SYNE1: variants seen among roughly 807,000 people sequenced by gnomAD.
SYNE1 encodes spectrin repeat containing nuclear envelope protein 1, also known as nesprin-1.
SYNE1 carries 616 observed loss-of-function variants against 1,111.0 expected under a neutral mutation model. That is an observed-to-expected ratio of 0.55 (90% CI 0.52 to 0.59). SYNE1 has a LOEUF of 0.59. SYNE1 is among the 20% of genes least tolerant of loss of function. The pLI is 0.00. For missense variants in SYNE1, 10,006 were observed against 10,417.0 expected, an observed-to-expected ratio of 0.96 and a Z score of 1.72; for synonymous variants, 3,855 against 3,825.8, an observed-to-expected ratio of 1.01 and a Z score of -0.28.
chr6:152,199,844 G>A (rs2075034716), intron 127 of SYNE1, among the ~76,000 whole-genome samples: 1 of 151,972 alleles, frequency 6.6e-6, no homozygotes, highest in Non-Finnish European at 1.5e-5. Flanking sequence ...AGAGTAGCAG[G>A]ACTAGACGAA....
chr6:152,552,659 T>C (rs1167491576), intron 3 of SYNE1, among the ~76,000 whole-genome samples: 1 of 151,996 alleles, frequency 6.6e-6, no homozygotes, highest in Non-Finnish European at 1.5e-5. Context: ...AGAAATAAGG[T>C]CAAATCACAG....
intron 2 of SYNE1, among the ~76,000 whole-genome samples, chr6:152,634,269 G>A (rs2099702509): frequency 6.6e-6 from 1 of 152,144 alleles, no homozygotes; most frequent in South Asian, 2.1e-4. Context: ...AATGAACTGA[G>A]AACATAAACA....
intron 3 of SYNE1, among the ~76,000 whole-genome samples, chr6:152,567,660 C>T (rs974296115): frequency 2.0e-5 from 3 of 152,102 alleles, no homozygotes; most frequent in African/African-American, 7.2e-5. Context: ...ATAGCAGTAA[C>T]TTTGCACTTA....
rs1308791159 is a variant in SYNE1 at position 152,511,577 on chromosome 6, T to G, written c.310-474A>C. On this transcript the variant is annotated intron_variant, in intron 6 of 145. Transcript: ENST00000367255. ...TTCTAAAATTTGTACTAACCGGTGA[T>G]CCTCTGTGCATGGACTGACATGAAA... 2.5e-6 allele frequency: 4 copies of G among 1,612,676 alleles called. No homozygotes were observed. In the African/African-American group the frequency reaches 5.3e-5, roughly 22 times the overall value.
chr6:152,141,535 T>C (rs931293694), intron 138 of SYNE1, among the ~76,000 whole-genome samples: 2 of 151,928 alleles, frequency 1.3e-5, no homozygotes, highest in Non-Finnish European at 2.9e-5. Context: ...GGAAGATGGA[T>C]TGTTTGAACT....
At position 152,325,193 on chromosome 6, in the gene SYNE1, C is replaced by T; in HGVS notation, c.15548G>A (p.Arg5183Lys). 1 of 1,614,156 alleles carries T rather than the reference C, an allele frequency of 6.2e-7. No individual in the cohort carries two copies. The highest frequency in any genetic ancestry group is 8.5e-7 in the Non-Finnish European group (1 of 1,180,050). Residue 5183 changes from arginine (R) to lysine (K), a missense_variant, in exon 81 of 146, where the codon AGG (arginine) becomes AAG (lysine). Physicochemically the swap from Arg to Lys is conservative, Grantham distance 26. Around this residue, in one of 7 missense-constraint regions of SYNE1, gnomAD observed 4,955 missense variants for 5,017.2 expected, o/e 0.99. Transcript: ENST00000367255. Reference protein sequence around the residue: ...GNDASKATLSRSMTTVWQRWT... With the variant: ...GNDASKATLSKSMTTVWQRWT... The stretch of plus-strand genomic sequence containing the variant: ...GCGCTGCCAGACGGTGGTCATTGAC[C>T]TGCTCAGGGTGGCTTTGCTGGCATC...
rs151247098 is a variant in SYNE1, at chr6:152,219,052, T to G, written c.21995A>C (p.His7332Pro). Residue 7332 changes from histidine to proline, a missense_variant, in exon 120 of 146, where the codon CAC becomes CCC. Around this residue, in one of 7 missense-constraint regions of SYNE1, gnomAD observed 2,182 missense variants for 2,287.8 expected, o/e 0.95. Transcript: ENST00000367255. ...GAGAGCTTGCTCCAGGGCACACAAG[T>G]GTTGACTCAAAGAGAGTTGATCCGA... ...IQSDQLSLSQ[H>P]LCALEQALCK... 253 of 1,614,042 alleles carry G rather than the reference T, an allele frequency of 1.6e-4. No homozygotes were observed. The African/African-American group carries it at 2.6e-3, about 16-fold the overall frequency.
At chr6:152,237,077 T>C in intron 108 of SYNE1, 129 bp from the exon 109 acceptor site, 2 of 1,298,670 alleles carry the variant, frequency 1.5e-6, no homozygotes, top group Non-Finnish European at 2.1e-6. Context: ...CGTTGGGCCT[T>C]GCTTTGGGAA....
intron 3 of SYNE1, among the ~76,000 whole-genome samples, chr6:152,600,756 G>A (rs1412724705): frequency 6.6e-6 from 1 of 152,086 alleles, no homozygotes; most frequent in Non-Finnish European, 1.5e-5. Context: ...TGGGGTCACT[G>A]GAGGAAAGTT....
intron 83 of SYNE1, 27 bp from the exon 84 acceptor site, chr6:152,321,417 T>A: frequency 6.2e-7 from 1 of 1,612,208 alleles, no homozygotes; most frequent in Non-Finnish European, 8.5e-7. Context: ...AATAAGAAAT[T>A]TCTGGGAACC....
At chr6:152,323,417 C>T in intron 82 of SYNE1, 61 bp downstream of exon 82, 4 of 1,596,242 alleles carry the variant, frequency 2.5e-6, no homozygotes, top group Non-Finnish European at 3.4e-6. Context: ...CCAGCCTGGG[C>T]GACAGAGCGA....
Position 152,444,540 on chromosome 6 carries a change from C to G in SYNE1, c.3708G>C (p.Gln1236His), listed in dbSNP as rs1487145565. 1 of 1,613,300 alleles carries G rather than the reference C, an allele frequency of 6.2e-7. No individual in the cohort carries two copies. The highest frequency in any genetic ancestry group is 8.5e-7 in the Non-Finnish European group (1 of 1,179,840). Residue 1236 changes from glutamine to histidine, a missense_variant, in exon 30 of 146, where the codon CAG becomes CAC. Physicochemically the swap from Gln to His is conservative, Grantham distance 24. Transcript: ENST00000367255. ...KMLSNFGDCV[Q>H]YKEIVKNSLE... The stretch of plus-strand genomic sequence containing the variant: ...GAGAATTTTTGACTATTTCTTTGTA[C>G]TGGACACAGTCCCCAAAATTGCTTA...
intron 111 of SYNE1, among the ~76,000 whole-genome samples, 182 bp from the exon 112 acceptor site, chr6:152,234,145 C>T (rs2083431669): frequency 6.6e-6 from 1 of 152,240 alleles, no homozygotes. Context: ...TACGAAGCCC[C>T]GACTTGAGAA....
intron 95 of SYNE1, among the ~76,000 whole-genome samples, chr6:152,288,797 T>A (rs9479284): frequency 1.3e-5 from 2 of 152,182 alleles, no homozygotes; most frequent in South Asian, 4.1e-4. Flanking sequence ...CCACCTGCCT[T>A]GGCCTCCCAA....
chr6:152,279,482 G>A (rs182667071), intron 97 of SYNE1, among the ~76,000 whole-genome samples: 4 of 151,806 alleles, frequency 2.6e-5, no homozygotes, highest in South Asian at 2.1e-4. Flanking sequence ...TTGGGAGGCC[G>A]AGGCAGGCAG....
intron 78 of SYNE1, 86 bp from the exon 79 acceptor site, chr6:152,326,719 G>T: frequency 7.5e-7 from 1 of 1,325,644 alleles, no homozygotes; most frequent in Non-Finnish European, 1.1e-6. Context: ...TTGTTTTCCA[G>T]TCCTTAGTCT....
intron 63 of SYNE1, among the ~76,000 whole-genome samples, 188 bp from the exon 64 acceptor site, chr6:152,362,511 A>G (rs1005482812): frequency 1.3e-5 from 2 of 152,194 alleles, no homozygotes; most frequent in African/African-American, 4.8e-5. Context: ...AGCCTCAGGA[A>G]GCAAGGAACA....
intron 98 of SYNE1, among the ~76,000 whole-genome samples, chr6:152,270,034 C>T (rs2093072163): frequency 6.6e-6 from 1 of 152,150 alleles, no homozygotes. Flanking sequence ...ACCACAGTAA[C>T]TCAAGTCCCA....
At chr6:152,538,638 AAC>A (rs1174882893) in intron 4 of SYNE1, among the ~76,000 whole-genome samples, 6 of 151,920 alleles carry the variant, frequency 3.9e-5, no homozygotes, top group Non-Finnish European at 7.4e-5. Flanking sequence ...GAAAAAAAAA[AAC>A]AAAACCTTTT....
Sources: gnomAD v4.1 joint callset for allele counts (sites outside exome capture counted in the v4.1 genomes callset) on GRCh38, gnomAD v4.1.1 for gene constraint, gnomAD v4.1.1 regional missense constraint, MANE v1.5 for transcripts, NCBI Gene and HGNC (gene_info 2026-07-23, HGNC 2026-07-21) for gene names.